DYSF: variants seen among roughly 807,000 people sequenced by gnomAD.
The protein encoded by DYSF is dystrophy-associated fer-1-like 1.
DYSF carries 212 observed loss-of-function variants against 274.9 expected under a neutral mutation model. The ratio of observed to expected loss-of-function variants is 0.77; its 90% CI spans 0.69 to 0.86. DYSF has a LOEUF of 0.86. DYSF is among the 40% of genes least tolerant of loss of function. DYSF has a pLI of 0.00. For synonymous variants in DYSF, 1,091 were observed against 1,078.7 expected, an observed-to-expected ratio of 1.01 and a Z score of -0.22; for missense variants, 2,666 against 2,783.2, an observed-to-expected ratio of 0.96 and a Z score of 0.95.
At chr2:71,680,342 C>T (rs1322838788) in intron 53 of DYSF, among the ~76,000 whole-genome samples, 1 of 152,000 alleles carries the variant, frequency 6.6e-6, no homozygotes, top group Non-Finnish European at 1.5e-5. Flanking sequence ...GAAGACAGGC[C>T]CCCCTTTTAC....
At position 71,670,044 on chromosome 2, in the gene DYSF, G is replaced by A. The variant is rs115093136; in HGVS notation, c.5784+298G>A. ...AACTGTTGCCTCCTCACTGCCAAATGTCACCACCACTGTTCTGTCATTCAT... is the reference window on the plus strand; with the variant it reads ...AACTGTTGCCTCCTCACTGCCAAATATCACCACCACTGTTCTGTCATTCAT... On this transcript the variant is annotated intron_variant, in intron 51 of 55. Coordinates refer to ENST00000410020, the MANE Select transcript of DYSF (RefSeq NM_001130987.2). 0.01 allele frequency among the ~76,000 whole-genome samples: 1,578 copies of A among 152,196 alleles called. 32 individuals are homozygous for A. Among genetic ancestry groups the A allele is most frequent in the African/African-American group, 0.036 (1,510 of 41,492 alleles).
intron 14 of DYSF, among the ~76,000 whole-genome samples, chr2:71,529,691 T>C (rs142737019): frequency 6.6e-6 from 1 of 152,376 alleles, no homozygotes; most frequent in East Asian, 1.9e-4. Context: ...ATCTTGGCAC[T>C]GTACGGATGT....
intron 3 of DYSF, among the ~76,000 whole-genome samples, chr2:71,495,271 G>A (rs894193690): frequency 2.6e-5 from 4 of 152,166 alleles, no homozygotes; most frequent in Non-Finnish European, 5.9e-5. Context: ...ATGAATGAAT[G>A]ACTTTTACAG....
At position 71,656,205 on chromosome 2, in the gene DYSF, T is replaced by C. The variant is rs1203883263; in HGVS notation, c.4670T>C (p.Leu1557Pro). 2 of 1,614,216 alleles carry C rather than the reference T, an allele frequency of 1.2e-6. No individual in the cohort carries two copies. Among genetic ancestry groups the C allele is most frequent in the Admixed American group, 1.7e-5 (1 of 60,030 alleles). The change falls in exon 43 of 56, where the codon CTG (leucine) becomes CCG (proline). Residue 1557 changes from leucine to proline, a missense_variant. Leu to Pro is a moderately conservative substitution (Grantham distance 98). This residue lies in a region of DYSF where 1,460 missense variants were observed against 1,502.1 expected (regional missense o/e 0.97). Transcript: ENST00000410020. ...GAGAATGTGGAGGCCTTTGAGGGCC[T>C]GTCTGACTTTTGTAACACCTTCAAG... is the stretch of plus-strand genomic sequence containing the variant. ...QLENVEAFEG[L>P]SDFCNTFKLY...
chr2:71,454,771 C>T (rs369404061), intron 1 of DYSF, among the ~76,000 whole-genome samples: 12 of 152,120 alleles, frequency 7.9e-5, no homozygotes, highest in African/African-American at 2.9e-4. Flanking sequence ...AAGCCACTCC[C>T]TTATCAGATT....
chr2:71,466,312 T>C (rs6709812), upstream of DYSF, among the ~76,000 whole-genome samples: 34,742 of 152,180 alleles, frequency 0.23, 4,411 homozygotes, highest in East Asian at 0.45. Context: ...CGCCGCTGAT[T>C]GCCCACTCCT....
intron 16 of DYSF, 56 bp downstream of exon 16, chr2:71,535,367 C>T: frequency 1.3e-6 from 2 of 1,534,276 alleles, no homozygotes; most frequent in Non-Finnish European, 1.8e-6. Flanking sequence ...GGCGCTGGGT[C>T]CCTCAGTTTC....
chr2:71,528,471 T>A, intron 14 of DYSF, 70 bp downstream of exon 14: 1 of 1,340,176 alleles, frequency 7.5e-7, no homozygotes, highest in Non-Finnish European at 1.1e-6. Flanking sequence ...CTGTGCCGGG[T>A]GAGAGCAAGA....
intron 54 of DYSF, 119 bp from the exon 55 acceptor site, chr2:71,682,411 G>A (rs759520686): frequency 3.9e-6 from 5 of 1,275,176 alleles, no homozygotes; most frequent in Non-Finnish European, 5.7e-6. Context: ...CAGGGCCTGG[G>A]CAGGCGCTGG....
chr2:71,516,386 A>G, intron 9 of DYSF, 144 bp downstream of exon 9: 1 of 796,910 alleles, frequency 1.3e-6, no homozygotes, highest in Non-Finnish European at 2.1e-6. Context: ...GTCGGTGTGT[A>G]TGTGAGTATG....
chr2:71,600,022 C>T lies in DYSF; in HGVS notation c.3757-680C>T, dbSNP rs371280333. ...ACCTTCGGAGCAGGAGGGAGGCAGG[C>T]GGCAGGGCTGGCACTTCTCGGGGGG... On this transcript the variant is annotated intron_variant, in intron 33 of 55. Transcript: ENST00000410020. Among the ~76,000 whole-genome samples the T allele has an allele frequency of 4.0e-5, 6 of 149,870 alleles. No individual in the cohort carries two copies. In the East Asian group the frequency reaches 9.9e-4, roughly 25 times the overall value.
intron 29 of DYSF, chr2:71,570,976 C>A (rs2092387867): frequency 5.1e-6 from 3 of 586,042 alleles, no homozygotes; most frequent in Non-Finnish European, 9.0e-6. Context: ...ACACACAGAT[C>A]ACACCCAGCA....
At chr2:71,545,329 G>A (rs1005910567) in intron 17 of DYSF, among the ~76,000 whole-genome samples, 3 of 152,198 alleles carry the variant, frequency 2.0e-5, no homozygotes, top group African/African-American at 7.2e-5. Context: ...CCCTCCCTGA[G>A]CTTCCACATC....
At chr2:71,456,828 T>A (rs868260414) in intron 1 of DYSF, among the ~76,000 whole-genome samples, 2 of 151,992 alleles carry the variant, frequency 1.3e-5, no homozygotes, top group African/African-American at 4.8e-5. Flanking sequence ...CCTTGGTGCA[T>A]GAATAAGAAA....
chr2:71,676,364 A>G (rs532676472), intron 52 of DYSF, among the ~76,000 whole-genome samples: 12 of 151,692 alleles, frequency 7.9e-5, no homozygotes, highest in Admixed American at 1.3e-4. Context: ...TTTTATTTGC[A>G]TTTTTTATTG....
intron 4 of DYSF, among the ~76,000 whole-genome samples, chr2:71,510,908 T>G (rs143988723): frequency 6.6e-6 from 1 of 152,268 alleles, no homozygotes; most frequent in Non-Finnish European, 1.5e-5. Flanking sequence ...CACGGAATTA[T>G]GGACAATTGG....
chr2:71,674,444 C>T (rs1397942522), intron 52 of DYSF, 148 bp downstream of exon 52: 3 of 768,228 alleles, frequency 3.9e-6, no homozygotes, highest in African/African-American at 3.4e-5. Context: ...GGTCATGTGT[C>T]CCCAGTGTTA....
intron 33 of DYSF, among the ~76,000 whole-genome samples, chr2:71,600,035 A>G (rs2093509570): frequency 6.6e-6 from 1 of 151,760 alleles, no homozygotes; most frequent in African/African-American, 2.4e-5. Flanking sequence ...CAGGGCTGGC[A>G]CTTCTCGGGG....
At chr2:71,513,180 G>T in intron 5 of DYSF, 60 bp from the exon 6 acceptor site, 1 of 1,521,064 alleles carries the variant, frequency 6.6e-7, no homozygotes, top group Admixed American at 2.0e-5. Context: ...CAGTAGGTTG[G>T]TTTCCTTCAC....
Sources: gnomAD v4.1 joint callset for allele counts (sites outside exome capture counted in the v4.1 genomes callset) on GRCh38, gnomAD v4.1.1 for gene constraint, gnomAD v4.1.1 regional missense constraint, MANE v1.5 for transcripts, NCBI Gene and HGNC (gene_info 2026-07-23, HGNC 2026-07-21) for gene names.